The following SFTPD variants were observed in gnomAD, a reference collection of about 807,000 sequenced individuals.
The protein encoded by SFTPD is surfactant protein D, also known as pulmonary surfactant-associated protein D.
A neutral mutation model predicts 34.6 loss-of-function variants in SFTPD; 18 were observed. The ratio of observed to expected loss-of-function variants is 0.52; its 90% CI spans 0.36 to 0.77. The LOEUF (loss-of-function observed/expected upper bound fraction) is 0.77. Among genes scored for constraint, SFTPD ranks in the 30% least tolerant of loss-of-function variants. SFTPD has a pLI of 0.00. For synonymous variants in SFTPD, 155 were observed against 180.9 expected (o/e 0.86, Z 1.15); for missense variants, 433 against 468.9 (o/e 0.92, Z 0.71).
At chr10:79,970,870 A>G (rs1387177908) in intron 1 of SFTPD, 1 of 152,104 alleles carries the variant, frequency 6.6e-6, no homozygotes, top group Non-Finnish European at 1.5e-5. Flanking sequence ...CTCTTACCTA[A>G]TTGTTCTGCC....
At chr10:79,965,604 T>C (rs1263978748) in intron 1 of SFTPD, among the ~76,000 whole-genome samples, 2 of 123,720 alleles carry the variant, frequency 1.6e-5, no homozygotes, top group African/African-American at 6.5e-5. Context: ...TATTATACTC[T>C]AAGTTTTAGG....
chr10:79,940,949 G>T (rs1842605131), intron 6 of SFTPD, among the ~76,000 whole-genome samples, 161 bp from the exon 7 acceptor site: 1 of 151,578 alleles, frequency 6.6e-6, no homozygotes, highest in Non-Finnish European at 1.5e-5. Flanking sequence ...TGCTGTGTAA[G>T]GATGTCTTAT....
chr10:79,981,970 T>C, intron 1 of SFTPD: 1 of 308,428 alleles, frequency 3.2e-6, no homozygotes, highest in Non-Finnish European at 6.0e-6. Context: ...TTGTCTCCCG[T>C]GCCCGCGTCA....
At chr10:79,958,343 G>A (rs558683378) in intron 1 of SFTPD, among the ~76,000 whole-genome samples, 1 of 152,158 alleles carries the variant, frequency 6.6e-6, no homozygotes, top group African/African-American at 2.4e-5. Flanking sequence ...CCAATTAAAA[G>A]ACACAGACTG....
chr10:79,981,635 C>A (rs553773534), intron 1 of SFTPD, among the ~76,000 whole-genome samples: 1 of 152,278 alleles, frequency 6.6e-6, no homozygotes, highest in South Asian at 2.1e-4. Context: ...GCGCACCGCC[C>A]GTTTTTCCTC....
At chr10:79,967,756 AC>A (rs1842810930) in intron 1 of SFTPD, among the ~76,000 whole-genome samples, 1 of 152,074 alleles carries the variant, frequency 6.6e-6, no homozygotes, top group Non-Finnish European at 1.5e-5. Context: ...GCCTGAAGTA[AC>A]TGAAGAATCA....
chr10:79,964,266 A>G (rs1842791105), intron 1 of SFTPD, among the ~76,000 whole-genome samples: 1 of 152,216 alleles, frequency 6.6e-6, no homozygotes, highest in Admixed American at 6.5e-5. Flanking sequence ...GTCCTCTATC[A>G]TTAATGCCTC....
chr10:79,953,551 C>G (rs1337090807), upstream of SFTPD, among the ~76,000 whole-genome samples: 1 of 151,668 alleles, frequency 6.6e-6, no homozygotes, highest in Non-Finnish European at 1.5e-5. Context: ...CAGTTTTCTC[C>G]TGCTGCTTTC....
At chr10:79,973,032 G>C (rs12264259) in intron 1 of SFTPD, 2 of 152,018 alleles carry the variant, frequency 1.3e-5, no homozygotes, top group African/African-American at 4.8e-5. Flanking sequence ...TCATGTGTGA[G>C]TTTCCCTTTA....
At chr10:79,964,721 C>T (rs55768100) in intron 1 of SFTPD, among the ~76,000 whole-genome samples, 22,885 of 152,046 alleles carry the variant, frequency 0.15, 2,158 homozygotes, top group East Asian at 0.41. Context: ...TCCTCAGGAA[C>T]TTGTCAGGCC....
At chr10:79,967,336 A>T (rs1163411572) in intron 1 of SFTPD, among the ~76,000 whole-genome samples, 1 of 107,744 alleles carries the variant, frequency 9.3e-6, no homozygotes, top group African/African-American at 4.0e-5. Flanking sequence ...TTCCATGCTC[A>T]TGGGTAGGAA....
In SFTPD at chr10:79,946,465, G is replaced by A. The variant is rs1842665083; in HGVS notation, c.195C>T (p.Asp65=). ...GREGPRGEKG[D]PGLPGAAGQA... ...AAGCCCAGGGCCCCACCCTACCTGG[G>A]TCCCCCTTCTCGCCCCGAGGGCCCT... Residue 65 remains aspartate, a synonymous_variant, in exon 2 of 8, where the codon GAC becomes GAT. Coordinates refer to ENST00000372292, the MANE Select transcript of SFTPD (RefSeq NM_003019.5). The A allele has an allele frequency of 5.6e-6, 9 of 1,613,044 alleles. No individual in the cohort carries two copies. The highest frequency in any genetic ancestry group is 7.6e-6 in the Non-Finnish European group (9 of 1,179,368).
At chr10:79,972,499 A>G (rs11200980) in intron 1 of SFTPD, 11,504 of 128,960 alleles carry the variant, frequency 0.089, 845 homozygotes, top group East Asian at 0.4. Flanking sequence ...ACTCTGTCTC[A>G]AAACACACAC....
At chr10:79,972,907 A>G (rs964578759) in intron 1 of SFTPD, 9 of 152,212 alleles carry the variant, frequency 5.9e-5, no homozygotes, top group Non-Finnish European at 2.9e-5. Flanking sequence ...ATTCATGACA[A>G]GGAGTTTTTA....
At chr10:79,979,738 G>C (rs567902799) in intron 1 of SFTPD, among the ~76,000 whole-genome samples, 90 of 152,292 alleles carry the variant, frequency 5.9e-4, no homozygotes, top group South Asian at 1.0e-3. Flanking sequence ...AAATTCCTGG[G>C]CAAGTCCCTA....
intron 1 of SFTPD, among the ~76,000 whole-genome samples, chr10:79,965,726 TC>T (rs1261432109): frequency 2.8e-5 from 2 of 71,968 alleles, no homozygotes; most frequent in African/African-American, 1.3e-4. Flanking sequence ...ATGCTATCCC[TC>T]CCCCCTCCCC....
At chr10:79,962,032 A>C (rs1416200912) in intron 1 of SFTPD, among the ~76,000 whole-genome samples, 2 of 141,030 alleles carry the variant, frequency 1.4e-5, no homozygotes, top group African/African-American at 5.4e-5. Flanking sequence ...TTCTCAGCAA[A>C]CTATCGCAAG....
chr10:79,957,301 G>A (rs1395627054), intron 1 of SFTPD, among the ~76,000 whole-genome samples: 1 of 152,214 alleles, frequency 6.6e-6, no homozygotes, highest in Admixed American at 6.5e-5. Flanking sequence ...GCTGGACGGA[G>A]AATGACTTTG....
chr10:79,942,787 G>A lies in SFTPD; in HGVS notation c.292C>T (p.Pro98Ser), dbSNP rs1419386856. ...CCACTTGGCCCAGTGTCTCCCTTTG[G>A]TCCAGGTTCTCCAACAGAGCCATTG... is the stretch of plus-strand genomic sequence containing the variant. ...GDNGSVGEPG[P>S]KGDTGPSGPP... is the part of the protein sequence containing the mutation. Residue 98 changes from proline (P) to serine (S), a missense_variant, in exon 3 of 8, where the codon CCA (proline) becomes TCA (serine). Physicochemically the swap from Pro to Ser is moderately conservative, Grantham distance 74. Transcript: ENST00000372292. The A allele has an allele frequency of 1.9e-6, 3 of 1,612,384 alleles. No homozygotes were observed. Among genetic ancestry groups the A allele is most frequent in the Non-Finnish European group, 2.5e-6 (3 of 1,178,610 alleles).
Sources: allele counts gnomAD v4.1 joint callset (sites outside exome capture counted in the v4.1 genomes callset), GRCh38; gene constraint gnomAD v4.1.1; transcripts MANE v1.5; gene names NCBI Gene and HGNC (gene_info 2026-07-23, HGNC 2026-07-21).